Variants in GRM1 observed in about 807,000 individuals in gnomAD.
GRM1 encodes the protein glutamate metabotropic receptor 1.
In GRM1, 33 loss-of-function variants were observed where a neutral mutation model predicts 90.9. The observed-to-expected ratio is 0.36, with a 90% CI of 0.28 to 0.49. The LOEUF (loss-of-function observed/expected upper bound fraction) is 0.49, where lower values mean the gene tolerates loss of function less well. GRM1 is among the 20% of genes least tolerant of loss of function. The pLI is 0.99. For synonymous variants in GRM1, 700 were observed against 613.2 expected (o/e 1.14, Z -2.09); for missense variants, 1,190 against 1,534.3 (o/e 0.78, Z 3.75).
At chr6:146,205,739 T>C (rs1411586778) in intron 2 of GRM1, among the ~76,000 whole-genome samples, 8 of 152,200 alleles carry the variant, frequency 5.3e-5, no homozygotes, top group Non-Finnish European at 1.0e-4. Context: ...CTTTCAATCC[T>C]GTTCTGGGGC....
intron 1 of GRM1, among the ~76,000 whole-genome samples, chr6:146,153,405 T>C (rs1300513845): frequency 6.6e-6 from 1 of 152,218 alleles, no homozygotes; most frequent in Non-Finnish European, 1.5e-5. Context: ...CAAATACAAT[T>C]TTTAAAGTAA....
At chr6:146,135,565 G>A (rs922506754) in intron 1 of GRM1, among the ~76,000 whole-genome samples, 1 of 152,168 alleles carries the variant, frequency 6.6e-6, no homozygotes, top group African/African-American at 2.4e-5. Flanking sequence ...GTAACCCAGG[G>A]CAGTGCAAGA....
chr6:146,282,812 C>T (rs1359709870), intron 2 of GRM1, among the ~76,000 whole-genome samples: 5 of 152,052 alleles, frequency 3.3e-5, no homozygotes, highest in Non-Finnish European at 7.4e-5. Flanking sequence ...AGTATGTGTA[C>T]ATATAGTAGT....
chr6:146,218,671 G>A (rs1302628423), intron 2 of GRM1, among the ~76,000 whole-genome samples: 1 of 152,092 alleles, frequency 6.6e-6, no homozygotes, highest in Admixed American at 6.6e-5. Context: ...AATTATATGG[G>A]TAGTGAAATC....
At chr6:146,319,407 C>A (rs1784090544) in intron 3 of GRM1, among the ~76,000 whole-genome samples, 1 of 152,138 alleles carries the variant, frequency 6.6e-6, no homozygotes, top group South Asian at 2.1e-4. Context: ...AGTGTGATGC[C>A]TCCAGCTTTG....
At position 146,290,435 on chromosome 6, in the gene GRM1, A is replaced by C. The variant is rs1038924813; in HGVS notation, c.951-14176A>C. ...GACTCACAAAATTATACAGGCAGGA[A>C]ATAGACTGATAAACTATTCAGTTGC... On this transcript the variant is annotated intron_variant, in intron 2 of 7. Transcript: ENST00000282753. 5.9e-5 allele frequency among the ~76,000 whole-genome samples: 9 copies of C among 152,202 alleles called. 1 individual carries two copies. Among genetic ancestry groups the C allele is most frequent in the African/African-American group, 1.4e-4 (6 of 41,456 alleles).
intron 7 of GRM1, among the ~76,000 whole-genome samples, chr6:146,424,349 A>G (rs1251367812): frequency 1.3e-5 from 2 of 152,248 alleles, no homozygotes; most frequent in South Asian, 2.1e-4. Flanking sequence ...CCCCTTGTCA[A>G]TGGTGGAAAG....
At chr6:146,228,170 A>T (rs1780316993) in intron 2 of GRM1, among the ~76,000 whole-genome samples, 1 of 152,188 alleles carries the variant, frequency 6.6e-6, no homozygotes, top group Non-Finnish European at 1.5e-5. Context: ...GCTGAAGAGG[A>T]TTGATTTTGA....
chr6:146,203,394 GAGTCCT>G (rs1779388409), intron 2 of GRM1, among the ~76,000 whole-genome samples: 1 of 152,026 alleles, frequency 6.6e-6, no homozygotes, highest in Admixed American at 6.6e-5. Flanking sequence ...CAGGGCATTA[GAGTCCT>G]CTGTTTCCAG....
intron 7 of GRM1, among the ~76,000 whole-genome samples, chr6:146,402,371 T>A (rs1777188210): frequency 6.6e-6 from 1 of 152,148 alleles, no homozygotes; most frequent in Non-Finnish European, 1.5e-5. Context: ...TATGTGAGAC[T>A]GTAATTTTAG....
intron 2 of GRM1, among the ~76,000 whole-genome samples, chr6:146,285,631 C>A (rs1231295807): frequency 2.0e-5 from 3 of 152,144 alleles, no homozygotes; most frequent in Non-Finnish European, 4.4e-5. Flanking sequence ...TATCTCTTTG[C>A]ATAGTATTTC....
At chr6:146,063,502 A>G (rs898178278) in intron 1 of GRM1, among the ~76,000 whole-genome samples, 1 of 152,190 alleles carries the variant, frequency 6.6e-6, no homozygotes, top group Admixed American at 6.5e-5. Flanking sequence ...TTTCTTGGAC[A>G]TCTTAATAGG....
chr6:146,374,668 A>G (rs936969811), intron 5 of GRM1, among the ~76,000 whole-genome samples: 1 of 152,140 alleles, frequency 6.6e-6, no homozygotes, highest in African/African-American at 2.4e-5. Flanking sequence ...AGTTGTTCAT[A>G]GTAGCCAGTA....
chr6:146,393,492 G>C (rs765621101), intron 6 of GRM1, among the ~76,000 whole-genome samples: 22 of 152,102 alleles, frequency 1.4e-4, no homozygotes, highest in Non-Finnish European at 4.4e-5. Context: ...TGTTCACTCT[G>C]ATGATAGTTT....
At chr6:146,147,173 A>C (rs1777142521) in intron 1 of GRM1, among the ~76,000 whole-genome samples, 1 of 152,234 alleles carries the variant, frequency 6.6e-6, no homozygotes, top group Non-Finnish European at 1.5e-5. Flanking sequence ...CTCCAAACAA[A>C]AGTGAGTATT....
intron 1 of GRM1, among the ~76,000 whole-genome samples, chr6:146,150,819 C>G (rs2128888005): frequency 6.6e-6 from 1 of 152,122 alleles, no homozygotes; most frequent in Middle Eastern, 3.4e-3. Flanking sequence ...TTTTTGTATG[C>G]CTGGCTTATT....
intron 2 of GRM1, among the ~76,000 whole-genome samples, chr6:146,263,336 TTATTAG>T (rs1340733498): frequency 1.6e-4 from 25 of 151,988 alleles, no homozygotes; most frequent in Admixed American, 1.6e-3. Context: ...GAATGTGAAA[TTATTAG>T]TATGATTGCA....
intron 1 of GRM1, among the ~76,000 whole-genome samples, chr6:146,136,678 C>A (rs1776632260): frequency 6.6e-6 from 1 of 151,966 alleles, no homozygotes; most frequent in Non-Finnish European, 1.5e-5. Context: ...GGTGATTAAT[C>A]CCTTGTCAGA....
chr6:146,276,274 T>G (rs1194627758), intron 2 of GRM1, among the ~76,000 whole-genome samples: 6 of 152,180 alleles, frequency 3.9e-5, no homozygotes, highest in Non-Finnish European at 8.8e-5. Flanking sequence ...CTATGTGATT[T>G]TAGTAATATA....
Sources: allele counts gnomAD v4.1 joint callset (sites outside exome capture counted in the v4.1 genomes callset), GRCh38; gene constraint gnomAD v4.1.1; transcripts MANE v1.5; gene names NCBI Gene and HGNC (gene_info 2026-07-23, HGNC 2026-07-21).